Variants in RAP1GAP2 observed in about 807,000 individuals in gnomAD.
The protein encoded by RAP1GAP2 is RAP1 GTPase activating protein 2.
RAP1GAP2 carries 27 observed loss-of-function variants against 95.0 expected under a neutral mutation model. The observed-to-expected ratio is 0.28, with a 90% CI of 0.21 to 0.39. The LOEUF (loss-of-function observed/expected upper bound fraction) is 0.39, where lower values mean the gene tolerates loss of function less well. RAP1GAP2 is among the 10% of genes least tolerant of loss of function. The pLI is 1.00. For missense variants in RAP1GAP2, 771 were observed against 970.0 expected (o/e 0.79, Z 2.72); for synonymous variants, 373 against 380.9 (o/e 0.98, Z 0.24).
upstream of RAP1GAP2, chr17:2,755,695 G>T: frequency 3.2e-6 from 1 of 312,594 alleles, no homozygotes; most frequent in South Asian, 1.4e-4. Context: ...GCCCGCGGAG[G>T]GCAGGGAGCG....
chr17:2,809,858 C>G (rs943843918), intron 2 of RAP1GAP2, among the ~76,000 whole-genome samples: 1 of 152,220 alleles, frequency 6.6e-6, no homozygotes, highest in Non-Finnish European at 1.5e-5. Context: ...GGGGCCCAAG[C>G]AGCCCTCAGG....
intron 3 of RAP1GAP2, among the ~76,000 whole-genome samples, chr17:2,938,220 A>AGGCTCAGT (rs1381249244): frequency 1.3e-5 from 2 of 152,142 alleles, no homozygotes; most frequent in African/African-American, 4.8e-5. Context: ...ATAGAAACTG[A>AGGCTCAGT]GGCTCAGAGG....
At chr17:2,920,199 A>G (rs770152554) in intron 3 of RAP1GAP2, among the ~76,000 whole-genome samples, 2 of 152,078 alleles carry the variant, frequency 1.3e-5, no homozygotes, top group Non-Finnish European at 2.9e-5. Flanking sequence ...TTTAATTCGT[A>G]GAAGCAGGGT....
chr17:2,860,667 G>T (rs1038539646), intron 2 of RAP1GAP2, among the ~76,000 whole-genome samples: 2 of 139,564 alleles, frequency 1.4e-5, no homozygotes, highest in African/African-American at 2.7e-5. Flanking sequence ...GCAGTGGCGC[G>T]ATCTCAGCTC....
At chr17:2,784,518 G>A (rs1340797820) in intron 1 of RAP1GAP2, among the ~76,000 whole-genome samples, 5 of 144,974 alleles carry the variant, frequency 3.4e-5, no homozygotes, top group African/African-American at 1.0e-4. Context: ...TGATCCGCCC[G>A]ACTCGGCATC....
At chr17:2,877,322 C>T (rs1172174790) in intron 2 of RAP1GAP2, among the ~76,000 whole-genome samples, 1 of 152,204 alleles carries the variant, frequency 6.6e-6, no homozygotes, top group Non-Finnish European at 1.5e-5. Flanking sequence ...CAGCTGTCAC[C>T]TGGATTATTG....
At chr17:2,761,867 A>G (rs1370757173) in intron 1 of RAP1GAP2, among the ~76,000 whole-genome samples, 1 of 151,116 alleles carries the variant, frequency 6.6e-6, no homozygotes, top group Non-Finnish European at 1.5e-5. Context: ...GTCTTTGCTT[A>G]TAGCCATCCT....
intron 2 of RAP1GAP2, chr17:2,853,915 C>T (rs989690120): frequency 4.7e-5 from 46 of 979,080 alleles, no homozygotes; most frequent in Non-Finnish European, 5.1e-5. Flanking sequence ...GGCGCGGGCT[C>T]AGGGGCCGGG....
intron 3 of RAP1GAP2, among the ~76,000 whole-genome samples, chr17:2,907,391 G>C (rs1398173704): frequency 1.3e-5 from 2 of 152,170 alleles, no homozygotes; most frequent in Non-Finnish European, 2.9e-5. Flanking sequence ...CTCGGTTCTG[G>C]GGACCTTGTA....
chr17:2,772,944 C>T (rs546369751), upstream of RAP1GAP2, among the ~76,000 whole-genome samples: 192 of 150,596 alleles, frequency 1.3e-3, 1 homozygote, highest in South Asian at 3.6e-3. Flanking sequence ...CTGCAACCTC[C>T]GTTTCCTGGG....
At chr17:2,968,644 AAAG>A (rs1422669849) in intron 8 of RAP1GAP2, among the ~76,000 whole-genome samples, 1 of 152,204 alleles carries the variant, frequency 6.6e-6, no homozygotes, top group Non-Finnish European at 1.5e-5. Context: ...GTCTGTAGAA[AAAG>A]AAAACAAAGG....
chr17:2,963,769 TG>T lies in RAP1GAP2; in HGVS notation c.280-84del. On this transcript the variant is annotated intron_variant, in intron 6 of 24. Coordinates refer to ENST00000254695, the MANE Select transcript of RAP1GAP2 (RefSeq NM_015085.5). The surrounding 1 kb of genome is among the most constrained non-coding windows in gnomAD (Gnocchi z 4.8). ...ACCAGTGGGTACCAGGCCCCACTCC[TG>T]GGAGCAGCGCAGAGGGGACACCGCC... 1 of 1,222,634 alleles carries T rather than the reference TG, an allele frequency of 8.2e-7. No homozygotes were observed. The allele number at this position is 1,222,634 out of a possible 1,614,324, so 75.7% of individuals were successfully genotyped here. A position where few individuals can be genotyped will look rare whatever the true frequency, so the allele number is the denominator to read the frequency against.
rs1389246180 is a variant in RAP1GAP2, at chr17:2,963,386, G to T, written c.247-44G>T. The T allele has an allele frequency of 6.2e-7, 1 of 1,612,750 alleles. No homozygotes were observed. Among genetic ancestry groups the T allele is most frequent in the South Asian group, 1.1e-5 (1 of 91,058 alleles). On this transcript the variant is annotated intron_variant, in intron 5 of 24. Coordinates refer to ENST00000254695, the MANE Select transcript of RAP1GAP2 (RefSeq NM_015085.5). The surrounding 1 kb of genome is among the most constrained non-coding windows in gnomAD (Gnocchi z 4.8). ...TGGAAACAGTGGTCAGACTTTACGG[G>T]CACTGCCGGGACTAACGGTGGCATC... is the stretch of plus-strand genomic sequence containing the variant.
chr17:2,954,190 C>T (rs1269165467), intron 3 of RAP1GAP2, among the ~76,000 whole-genome samples: 5 of 151,940 alleles, frequency 3.3e-5, no homozygotes, highest in South Asian at 2.1e-4. Flanking sequence ...CTGCAGGCTC[C>T]GCCTCCCGGG....
chr17:3,007,098 A>G (rs2046367473), intron 16 of RAP1GAP2, among the ~76,000 whole-genome samples: 1 of 152,176 alleles, frequency 6.6e-6, no homozygotes, highest in South Asian at 2.1e-4. Context: ...AGCAAAGGTC[A>G]GGAAGAACCA....
At chr17:2,993,126 G>A (rs1188474825) in intron 12 of RAP1GAP2, among the ~76,000 whole-genome samples, 1 of 151,768 alleles carries the variant, frequency 6.6e-6, no homozygotes, top group Admixed American at 6.6e-5. Flanking sequence ...GGAGGCTGAG[G>A]CAGGAGAATC....
chr17:2,878,388 G>A (rs569973133), intron 2 of RAP1GAP2, among the ~76,000 whole-genome samples: 62 of 152,274 alleles, frequency 4.1e-4, no homozygotes, highest in African/African-American at 1.4e-3. Context: ...AGTCGTCCTT[G>A]GGTTGGTGGG....
At chr17:2,970,255 C>G (rs1254672444) in intron 8 of RAP1GAP2, among the ~76,000 whole-genome samples, 21 of 119,414 alleles carry the variant, frequency 1.8e-4, no homozygotes, top group African/African-American at 6.2e-4. Context: ...GCCTGGGCGA[C>G]AGAGTGAGAC....
chr17:2,941,772 T>C lies in RAP1GAP2; in HGVS notation c.166-15987T>C, dbSNP rs571979260. On this transcript the variant is annotated intron_variant, in intron 3 of 24. Transcript: ENST00000254695. The stretch of plus-strand genomic sequence containing the variant: ...CAACCTCCTCACAGCAACCTCCGCC[T>C]CCCAGGTTCAAGTGATTCTCCTGTG... 4.7e-5 allele frequency among the ~76,000 whole-genome samples: 7 copies of C among 150,242 alleles called. No homozygotes were observed. In the South Asian group the frequency reaches 1.3e-3, roughly 28 times the overall value.
Sources: gnomAD v4.1 joint callset for allele counts (sites outside exome capture counted in the v4.1 genomes callset) on GRCh38, gnomAD v4.1.1 for gene constraint, Gnocchi (gnomAD v3.1) non-coding constraint, MANE v1.5 for transcripts, NCBI Gene and HGNC (gene_info 2026-07-23, HGNC 2026-07-21) for gene names.